The following ANKRD30BL variants were observed in gnomAD, a reference collection of about 807,000 sequenced individuals.
ANKRD30BL encodes ankyrin repeat domain 30B like.
ANKRD30BL carries 20 observed loss-of-function variants against 18.4 expected under a neutral mutation model. The ratio of observed to expected loss-of-function variants is 1.09; its 90% CI spans 0.77 to 1.58. The LOEUF is 1.58. Ranked by LOEUF, ANKRD30BL falls within the 40% of genes most tolerant of loss-of-function variation. The pLI is 0.00. For missense variants in ANKRD30BL, 224 were observed against 268.6 expected, an observed-to-expected ratio of 0.83 and a Z score of 1.16; for synonymous variants, 72 against 100.9, an observed-to-expected ratio of 0.71 and a Z score of 1.72.
chr2:132,170,937 A>G (rs568708581), intron 1 of ANKRD30BL, among the ~76,000 whole-genome samples: 10 of 152,298 alleles, frequency 6.6e-5, no homozygotes, highest in Non-Finnish European at 1.2e-4. Flanking sequence ...CGGGCGGATC[A>G]CGTGGTGAGG....
In ANKRD30BL at chr2:132,236,154, G is replaced by T. The variant is rs569714972; in HGVS notation, n.441+21375C>A. On this transcript the variant is annotated intron_variant and non_coding_transcript_variant, in intron 1 of 4. Transcript: ENST00000470729. ...TAGCCATATGTAGAAAGCTGAAACT[G>T]GATCCCTTCCTTACACCTTACACAA... Among the ~76,000 whole-genome samples, 102 of 152,070 alleles carry T rather than the reference G, an allele frequency of 6.7e-4. 2 individuals carry two copies. In the South Asian group the frequency reaches 7.5e-3, roughly 11 times the overall value.
chr2:132,163,148 A>G (rs1688118867), upstream of ANKRD30BL, among the ~76,000 whole-genome samples: 1 of 152,098 alleles, frequency 6.6e-6, no homozygotes, highest in Admixed American at 6.5e-5. Context: ...GTTAAATTGA[A>G]CTTATCTATA....
At chr2:132,218,650 G>T (rs1167529032) in intron 1 of ANKRD30BL, among the ~76,000 whole-genome samples, 1 of 152,220 alleles carries the variant, frequency 6.6e-6, no homozygotes, top group Non-Finnish European at 1.5e-5. Context: ...AAACTAGACA[G>T]AAGCATTCTC....
intron 1 of ANKRD30BL, among the ~76,000 whole-genome samples, chr2:132,208,294 C>G (rs1280956340): frequency 6.6e-6 from 1 of 152,160 alleles, no homozygotes; most frequent in Admixed American, 6.6e-5. Flanking sequence ...GAGCCTCTAA[C>G]AGTTTTCCTT....
intron 1 of ANKRD30BL, among the ~76,000 whole-genome samples, chr2:132,187,487 T>G (rs1287705775): frequency 6.6e-6 from 1 of 151,294 alleles, no homozygotes; most frequent in Non-Finnish European, 1.5e-5. Flanking sequence ...GCTAATTTTT[T>G]GTATTTTTAG....
intron 1 of ANKRD30BL, among the ~76,000 whole-genome samples, chr2:132,251,557 C>A (rs1680649583): frequency 6.6e-6 from 1 of 152,106 alleles, no homozygotes; most frequent in Non-Finnish European, 1.5e-5. Flanking sequence ...TGTAATTATA[C>A]AACATCGTAT....
At chr2:132,159,653 T>C (rs1688004389) in intron 1 of ANKRD30BL, among the ~76,000 whole-genome samples, 1 of 152,196 alleles carries the variant, frequency 6.6e-6, no homozygotes, top group Non-Finnish European at 1.5e-5. Context: ...AAATGACGAT[T>C]TAAAAATCTA....
intron 1 of ANKRD30BL, among the ~76,000 whole-genome samples, chr2:132,237,794 A>T (rs1332542446): frequency 6.6e-6 from 1 of 152,036 alleles, no homozygotes; most frequent in Non-Finnish European, 1.5e-5. Flanking sequence ...ATATCTTTCC[A>T]TAAAAACTAG....
chr2:132,225,284 T>C lies in ANKRD30BL; in HGVS notation n.441+32245A>G, dbSNP rs540558317. 6.8e-3 allele frequency among the ~76,000 whole-genome samples: 1,036 copies of C among 152,230 alleles called. 4 individuals are homozygous for C. Among genetic ancestry groups the C allele is most frequent in the Non-Finnish European group, 0.011 (732 of 68,016 alleles). On this transcript the variant is annotated intron_variant and non_coding_transcript_variant, in intron 1 of 4. Coordinates refer to the ANKRD30BL transcript ENST00000470729. ...TTTGTAGAATCTGCAAGTGGACATT[T>C]GGAGAGCTTTGAGGCCTATGGTGGA...
chr2:132,208,939 ACT>A (rs1348164643), intron 1 of ANKRD30BL, among the ~76,000 whole-genome samples: 1 of 151,770 alleles, frequency 6.6e-6, no homozygotes, highest in Non-Finnish European at 1.5e-5. Flanking sequence ...CTTTTGAAAT[ACT>A]CTTTTTGTAG....
upstream of ANKRD30BL, among the ~76,000 whole-genome samples, chr2:132,165,615 C>T (rs1401276650): frequency 6.6e-6 from 1 of 151,414 alleles, no homozygotes; most frequent in African/African-American, 2.4e-5. Context: ...CCCAGCTACT[C>T]TGGAGGCGAG....
At chr2:132,214,201 C>A (rs11504868) in intron 1 of ANKRD30BL, among the ~76,000 whole-genome samples, 1 of 149,750 alleles carries the variant, frequency 6.7e-6, no homozygotes, top group Non-Finnish European at 1.5e-5. Context: ...AATTTCTTTG[C>A]GATTGGTGTA....
intron 1 of ANKRD30BL, among the ~76,000 whole-genome samples, chr2:132,232,916 T>C (rs981679521): frequency 6.6e-6 from 1 of 151,512 alleles, no homozygotes; most frequent in Non-Finnish European, 1.5e-5. Flanking sequence ...AAGGAAAAAA[T>C]GTTAAGGGCA....
Position 132,208,271 on chromosome 2 carries a change from C to G in ANKRD30BL, n.441+49258G>C, listed in dbSNP as rs190990357. On this transcript the variant is annotated intron_variant and non_coding_transcript_variant, in intron 1 of 4. Coordinates refer to the ANKRD30BL transcript ENST00000470729. ...CATCCAAATATGTTTTATGTTGCCT[C>G]TAACATTCAAAAGAGCCTCTAACAG... Among the ~76,000 whole-genome samples, 477 of 152,242 alleles carry G rather than the reference C, an allele frequency of 3.1e-3. 1 individual carries two copies. Among genetic ancestry groups the G allele is most frequent in the African/African-American group, 0.011 (448 of 41,552 alleles).
In ANKRD30BL at chr2:132,225,720, C is replaced by T. The variant is rs79289518; in HGVS notation, n.441+31809G>A. ...AAACTTCTTTGGCTGTGTGCATTCACCTCACAGAATTGAACCTTTCTTTTG... is the reference window on the plus strand; with the variant it reads ...AAACTTCTTTGGCTGTGTGCATTCATCTCACAGAATTGAACCTTTCTTTTG... On this transcript the variant is annotated intron_variant and non_coding_transcript_variant, in intron 1 of 4. Coordinates refer to the ANKRD30BL transcript ENST00000470729. Among the ~76,000 whole-genome samples, 21 of 151,632 alleles carry T rather than the reference C, an allele frequency of 1.4e-4. No individual in the cohort carries two copies. In the South Asian group the frequency reaches 4.4e-3, roughly 32 times the overall value.
intron 1 of ANKRD30BL, among the ~76,000 whole-genome samples, chr2:132,170,499 T>A (rs929375416): frequency 1.3e-5 from 2 of 152,226 alleles, no homozygotes; most frequent in African/African-American, 4.8e-5. Context: ...GGTCGGAGGT[T>A]CTGCTGGGGA....
chr2:132,153,639 G>A (rs1687824463), intron 4 of ANKRD30BL: 2 of 1,202,052 alleles, frequency 1.7e-6, no homozygotes, highest in Non-Finnish European at 2.3e-6. Flanking sequence ...TTTTGCTGAA[G>A]AAGCTTGCCA....
intron 1 of ANKRD30BL, among the ~76,000 whole-genome samples, chr2:132,219,477 G>C (rs1484542134): frequency 6.6e-6 from 1 of 151,492 alleles, no homozygotes; most frequent in East Asian, 1.9e-4. Context: ...GGTGGAAAAG[G>C]AAATATCTTC....
chr2:132,217,771 A>G (rs1178794825), intron 1 of ANKRD30BL, among the ~76,000 whole-genome samples: 4 of 152,284 alleles, frequency 2.6e-5, no homozygotes, highest in Non-Finnish European at 5.9e-5. Context: ...GGAAACGGGT[A>G]TATCTTCACA....
Sources: allele counts gnomAD v4.1 joint callset (sites outside exome capture counted in the v4.1 genomes callset), GRCh38; gene constraint gnomAD v4.1.1; transcripts MANE v1.5; gene names NCBI Gene and HGNC (gene_info 2026-07-23, HGNC 2026-07-21).